Variants in GBF1 observed in about 807,000 individuals in gnomAD.
GBF1 encodes the protein Golgi-specific brefeldin A-resistance guanine nucleotide exchange factor 1.
Under a neutral mutation model 210.5 loss-of-function variants are expected in GBF1, and 114 were observed. That is an observed-to-expected ratio of 0.54 (90% CI 0.47 to 0.63). The LOEUF is 0.63. GBF1 is among the 30% of genes least tolerant of loss of function. The pLI is 0.00. For missense variants in GBF1, 1,851 were observed against 2,357.7 expected, an observed-to-expected ratio of 0.79 and a Z score of 4.45; for synonymous variants, 850 against 889.2, an observed-to-expected ratio of 0.96 and a Z score of 0.78.
chr10:102,273,310 C>A (rs1038078884), intron 3 of GBF1, among the ~76,000 whole-genome samples: 3 of 151,316 alleles, frequency 2.0e-5, no homozygotes, highest in East Asian at 3.9e-4. Context: ...GCAGCCTGGG[C>A]GACAGAGCAA....
chr10:102,312,377 G>A (rs1299875152), intron 3 of GBF1, among the ~76,000 whole-genome samples: 1 of 152,050 alleles, frequency 6.6e-6, no homozygotes, highest in African/African-American at 2.4e-5. Context: ...CCACTTAATG[G>A]GTCTCTTCTC....
chr10:102,372,893 T>G (rs2060287063), intron 29 of GBF1, among the ~76,000 whole-genome samples: 1 of 152,218 alleles, frequency 6.6e-6, no homozygotes, highest in African/African-American at 2.4e-5. Context: ...TGGATCTGTC[T>G]CTTGCCTCAA....
At chr10:102,307,801 A>C (rs1446821612) in intron 3 of GBF1, among the ~76,000 whole-genome samples, 1 of 152,116 alleles carries the variant, frequency 6.6e-6, no homozygotes, top group East Asian at 1.9e-4. Flanking sequence ...CTCAAAAAAA[A>C]CAAAAAAAAC....
intron 3 of GBF1, among the ~76,000 whole-genome samples, chr10:102,260,476 C>CTTTTTT (rs60452124): frequency 3.2e-4 from 23 of 72,418 alleles, no homozygotes; most frequent in East Asian, 8.8e-4. Context: ...TTCCTTTCTT[C>CTTTTTT]TTTTTTTTTT....
At chr10:102,333,707 G>A (rs2057506356) in intron 3 of GBF1, among the ~76,000 whole-genome samples, 1 of 152,084 alleles carries the variant, frequency 6.6e-6, no homozygotes. Flanking sequence ...GATTACAGGT[G>A]TAAGCCACCA....
At chr10:102,367,002 C>A in intron 19 of GBF1, 83 bp from the exon 20 acceptor site, 2 of 1,486,408 alleles carry the variant, frequency 1.3e-6, no homozygotes, top group Non-Finnish European at 1.9e-6. Context: ...CTCCTCTGTA[C>A]TAGCACTGAC....
chr10:102,276,515 G>C lies in GBF1; in HGVS notation c.163+16399G>C, dbSNP rs2074986819. Among the ~76,000 whole-genome samples the C allele has an allele frequency of 2.5e-5, 3 of 121,028 alleles. No individual in the cohort carries two copies. The Admixed American group carries it at 2.9e-4, about 12-fold the overall frequency. 79.4% of individuals were successfully genotyped at this position (121,028 alleles called of 152,430 possible). On this transcript the variant is annotated intron_variant, in intron 3 of 39. Transcript: ENST00000369983. ...CACTCCAGCCTGGGCGACAGAGCTA[G>C]ACTCTGCCTCAAAAAAAAAAAAAAA...
At chr10:102,298,935 C>T (rs1052118414) in intron 3 of GBF1, among the ~76,000 whole-genome samples, 2 of 152,144 alleles carry the variant, frequency 1.3e-5, no homozygotes, top group African/African-American at 2.4e-5. Flanking sequence ...TCTAGAAAAG[C>T]TCTTAATGTT....
rs1368261616 is a variant in GBF1 at position 102,368,827 on chromosome 10, A to T, written c.2968A>T (p.Ser990Cys). Reference sequence around the variant, plus strand: ...TCTATGCAAATTCACAGCTCTCAGCAGTGAGGTGAGCAGGTGCAGGAACTG... The same window carrying T: ...TCTATGCAAATTCACAGCTCTCAGCTGTGAGGTGAGCAGGTGCAGGAACTG... ...ISLCKFTALS[S>C]ESIENLPSVF... Residue 990 changes from serine to cysteine, a missense_variant, in exon 23 of 40, where the codon AGT (serine) becomes TGT (cysteine). By Grantham distance (112) the Ser-to-Cys change is moderately radical. Transcript: ENST00000369983. 1.9e-6 allele frequency: 3 copies of T among 1,591,414 alleles called. No homozygotes were observed. Among genetic ancestry groups the T allele is most frequent in the Non-Finnish European group, 8.6e-7 (1 of 1,159,424 alleles).
chr10:102,303,240 G>A (rs1322384138), intron 3 of GBF1, among the ~76,000 whole-genome samples: 4 of 151,940 alleles, frequency 2.6e-5, no homozygotes, highest in Admixed American at 6.6e-5. Flanking sequence ...CACCCACCTC[G>A]GCCTCCCAAA....
chr10:102,246,391 A>G (rs1175456478), intron 1 of GBF1, among the ~76,000 whole-genome samples: 1 of 152,198 alleles, frequency 6.6e-6, no homozygotes, highest in African/African-American at 2.4e-5. Flanking sequence ...GTCTGTATGT[A>G]AACACTATAC....
chr10:102,310,760 G>A (rs2078344387), intron 3 of GBF1, among the ~76,000 whole-genome samples: 1 of 152,240 alleles, frequency 6.6e-6, no homozygotes. Context: ...AAGAGGCCAT[G>A]TTGCTCTTGC....
chr10:102,359,958 GTC>G (rs1319439526), intron 11 of GBF1, among the ~76,000 whole-genome samples: 5 of 151,982 alleles, frequency 3.3e-5, no homozygotes, highest in African/African-American at 7.2e-5. Context: ...TAGAGATGGG[GTC>G]TCTCTGTGTT....
At chr10:102,284,541 TTCTC>T (rs2075782934) in intron 3 of GBF1, among the ~76,000 whole-genome samples, 1 of 152,206 alleles carries the variant, frequency 6.6e-6, no homozygotes, top group Non-Finnish European at 1.5e-5. Context: ...TCTGGCTTCT[TTCTC>T]TTAGCATAAT....
intron 3 of GBF1, among the ~76,000 whole-genome samples, chr10:102,311,942 G>T (rs908568420): frequency 6.6e-6 from 1 of 152,094 alleles, no homozygotes. Flanking sequence ...GCTTGAGTAG[G>T]CCCCACTTTT....
chr10:102,289,703 A>G (rs2076278605), intron 3 of GBF1, among the ~76,000 whole-genome samples: 2 of 152,112 alleles, frequency 1.3e-5, no homozygotes, highest in African/African-American at 4.8e-5. Context: ...TGTTTTTTTG[A>G]TGTAGGTTTT....
intron 29 of GBF1, among the ~76,000 whole-genome samples, chr10:102,374,058 T>A (rs2060356098): frequency 6.6e-6 from 1 of 152,160 alleles, no homozygotes; most frequent in Non-Finnish European, 1.5e-5. Flanking sequence ...AACTTTAGAA[T>A]TTGAAGACAG....
Position 102,258,176 on chromosome 10 carries a change from G to A in GBF1, c.-10-753G>A, listed in dbSNP as rs1311856875. 3.7e-5 allele frequency among the ~76,000 whole-genome samples: 5 copies of A among 134,628 alleles called. No individual in the cohort carries two copies. In the Admixed American group the frequency reaches 3.9e-4, roughly 10 times the overall value. 88.3% of individuals were successfully genotyped at this position (134,628 alleles called of 152,430 possible). On this transcript the variant is annotated intron_variant, in intron 1 of 39. Coordinates refer to ENST00000369983, the MANE Select transcript of GBF1 (RefSeq NM_001377137.1). ...TTTTTTTTTTTTTTTTTTTTTTGAGGTGGAGTTTCACTCTTGTTGCCCAGG... is the reference window on the plus strand; with the variant it reads ...TTTTTTTTTTTTTTTTTTTTTTGAGATGGAGTTTCACTCTTGTTGCCCAGG...
intron 3 of GBF1, among the ~76,000 whole-genome samples, chr10:102,324,868 G>A (rs1361414147): frequency 2.6e-5 from 4 of 152,100 alleles, no homozygotes; most frequent in South Asian, 2.1e-4. Flanking sequence ...GATTACAGGC[G>A]TGAGCCACTG....
Sources: allele counts gnomAD v4.1 joint callset (sites outside exome capture counted in the v4.1 genomes callset), GRCh38; gene constraint gnomAD v4.1.1; transcripts MANE v1.5; gene names NCBI Gene and HGNC (gene_info 2026-07-23, HGNC 2026-07-21).